The following NEK1 variants were observed in gnomAD, a reference collection of about 807,000 sequenced individuals.
NEK1 encodes NIMA related kinase 1, also known as serine/threonine-protein kinase Nek1.
In NEK1, 137 loss-of-function variants were observed where a neutral mutation model predicts 182.1. The ratio of observed to expected loss-of-function variants is 0.75; its 90% confidence interval spans 0.65 to 0.87. The LOEUF (loss-of-function observed/expected upper bound fraction) is 0.87, where lower values mean the gene tolerates loss of function less well. Ranked by LOEUF, NEK1 falls within the 40% of genes least tolerant of loss-of-function variation. The probability of loss-of-function intolerance (pLI) is 0.00; values close to 1 mark genes in which losing one functional copy is unlikely to be tolerated. For missense variants in NEK1, 1,391 were observed against 1,494.4 expected (o/e 0.93, Z 1.14); for synonymous variants, 513 against 492.2 (o/e 1.04, Z -0.56).
At chr4:169,496,752 G>A (rs1580215991) in intron 23 of NEK1, among the ~76,000 whole-genome samples, 2 of 152,126 alleles carry the variant, frequency 1.3e-5, no homozygotes, top group East Asian at 1.9e-4. Context: ...CAGGGATGAA[G>A]CCCACTTGAT....
intron 29 of NEK1, among the ~76,000 whole-genome samples, chr4:169,427,553 G>A (rs1405353273): frequency 1.3e-5 from 2 of 152,026 alleles, no homozygotes; most frequent in Non-Finnish European, 2.9e-5. Flanking sequence ...GGAGTGCAGT[G>A]GCACAATCTT....
At chr4:169,541,663 T>C (rs1404875072) in intron 18 of NEK1, among the ~76,000 whole-genome samples, 2 of 152,142 alleles carry the variant, frequency 1.3e-5, no homozygotes, top group Non-Finnish European at 2.9e-5. Context: ...TGTGACAGCG[T>C]GCAGAGAAAA....
intron 23 of NEK1, 177 bp downstream of exon 23, chr4:169,506,860 G>A (rs1225589956): frequency 5.6e-6 from 2 of 354,996 alleles, no homozygotes; most frequent in African/African-American, 4.2e-5. Flanking sequence ...ATTCTTAAAT[G>A]CGAGAGAGAC....
intron 19 of NEK1, among the ~76,000 whole-genome samples, chr4:169,526,325 A>G (rs541626915): frequency 1.3e-5 from 2 of 152,176 alleles, no homozygotes; most frequent in East Asian, 3.9e-4. Flanking sequence ...CTAACTCTAC[A>G]AAAAGATTAA....
At chr4:169,606,329 C>A (rs900394611) in intron 2 of NEK1, among the ~76,000 whole-genome samples, 1 of 150,088 alleles carries the variant, frequency 6.7e-6, no homozygotes, top group Non-Finnish European at 1.5e-5. Context: ...AAGGGATTAC[C>A]AAAAAGGCAA....
At chr4:169,523,687 G>A (rs1756451459) in intron 19 of NEK1, among the ~76,000 whole-genome samples, 1 of 152,204 alleles carries the variant, frequency 6.6e-6, no homozygotes, top group Non-Finnish European at 1.5e-5. Flanking sequence ...GACTAATATA[G>A]AGGTAATGCA....
At chr4:169,540,929 TC>T (rs1475402515) in intron 18 of NEK1, among the ~76,000 whole-genome samples, 3 of 152,080 alleles carry the variant, frequency 2.0e-5, no homozygotes, top group African/African-American at 7.2e-5. Flanking sequence ...TTATTTTCTT[TC>T]CTTTTCTTAT....
intron 23 of NEK1, among the ~76,000 whole-genome samples, chr4:169,502,517 T>A (rs1294498920): frequency 6.6e-6 from 1 of 152,038 alleles, no homozygotes; most frequent in African/African-American, 2.4e-5. Flanking sequence ...CAGTAGCACA[T>A]TAAAATGAAA....
chr4:169,599,273 G>A (rs1047518241), intron 4 of NEK1, 76 bp from the exon 5 acceptor site: 2 of 1,120,084 alleles, frequency 1.8e-6, no homozygotes, highest in Non-Finnish European at 2.6e-6. Context: ...GTACTTAAAA[G>A]CTTACTAAAA....
At chr4:169,562,328 A>G in intron 12 of NEK1, 132 bp from the exon 13 acceptor site, 1 of 549,470 alleles carries the variant, frequency 1.8e-6, no homozygotes, top group South Asian at 2.9e-5. Context: ...AAATTACATT[A>G]TCTTAAAAAA....
intron 29 of NEK1, among the ~76,000 whole-genome samples, chr4:169,428,392 T>C (rs1395761520): frequency 4.5e-5 from 4 of 88,552 alleles, no homozygotes; most frequent in Admixed American, 3.0e-4. Context: ...TATTCAGCCA[T>C]AAAAAGAAAT....
intron 19 of NEK1, among the ~76,000 whole-genome samples, chr4:169,529,704 TATA>T (rs1757397470): frequency 6.6e-6 from 1 of 152,156 alleles, no homozygotes; most frequent in Admixed American, 6.5e-5. Context: ...ATTCAGAACA[TATA>T]ATAGAACTTT....
intron 12 of NEK1, among the ~76,000 whole-genome samples, chr4:169,575,650 G>A (rs1376764451): frequency 6.6e-6 from 1 of 152,170 alleles, no homozygotes; most frequent in African/African-American, 2.4e-5. Context: ...TCCTCAAGTG[G>A]CTTCCCAGTA....
Position 169,406,579 on chromosome 4 carries a change from A to G in NEK1, c.3374+17T>C, listed in dbSNP as rs1451751955. ...AGAAAATCTTTTAATGCTGTTTACTAATGACATTATACTTACATGTCTTCA... is the reference window on the plus strand; with the variant it reads ...AGAAAATCTTTTAATGCTGTTTACTGATGACATTATACTTACATGTCTTCA... On this transcript the variant is annotated intron_variant, in intron 32 of 35. Coordinates refer to ENST00000507142, the MANE Select transcript of NEK1 (RefSeq NM_001199397.3). The G allele has an allele frequency of 5.2e-6, 8 of 1,547,532 alleles. No homozygotes were observed. Among genetic ancestry groups the G allele is most frequent in the Non-Finnish European group, 5.2e-6 (6 of 1,147,170 alleles).
At chr4:169,549,456 CTT>C (rs549464237) in intron 18 of NEK1, among the ~76,000 whole-genome samples, 23 of 152,320 alleles carry the variant, frequency 1.5e-4, no homozygotes, top group Admixed American at 4.6e-4. Context: ...GAATTTTGCT[CTT>C]GTCGCCAAGG....
chr4:169,609,047 C>A (rs191352994), intron 2 of NEK1, among the ~76,000 whole-genome samples: 1,775 of 129,792 alleles, frequency 0.014, 32 homozygotes, highest in African/African-American at 0.052. Context: ...GGTGACAGAG[C>A]GAGACTCCTT....
intron 10 of NEK1, among the ~76,000 whole-genome samples, chr4:169,581,161 C>G (rs546225427): frequency 6.6e-6 from 1 of 151,160 alleles, no homozygotes; most frequent in Non-Finnish European, 1.5e-5. Context: ...GCCCTGGCAA[C>G]ACAGTGAGAT....
intron 31 of NEK1, among the ~76,000 whole-genome samples, chr4:169,423,683 T>A (rs1735870902): frequency 6.6e-6 from 1 of 152,212 alleles, no homozygotes; most frequent in South Asian, 2.1e-4. Context: ...ACCTTTTGAA[T>A]TCCACTTATA....
chr4:169,422,034 A>G (rs1735565722), intron 31 of NEK1, among the ~76,000 whole-genome samples: 1 of 152,228 alleles, frequency 6.6e-6, no homozygotes, highest in Non-Finnish European at 1.5e-5. Context: ...AGGAAAGTAC[A>G]ATATAAAGGG....
Sources: allele counts gnomAD v4.1 joint callset (sites outside exome capture counted in the v4.1 genomes callset), GRCh38; gene constraint gnomAD v4.1.1; transcripts MANE v1.5; gene names NCBI Gene and HGNC (gene_info 2026-07-23, HGNC 2026-07-21).